Variants in SLC5A1 observed in about 807,000 individuals in gnomAD.
SLC5A1 encodes the protein solute carrier family 5 member 1, also known as sodium/glucose cotransporter 1.
In SLC5A1, 42 loss-of-function variants were observed where a neutral mutation model predicts 73.5. That is an observed-to-expected ratio of 0.57 (90% CI 0.45 to 0.74). SLC5A1 has a LOEUF of 0.74. SLC5A1 is among the 30% of genes least tolerant of loss of function. The pLI is 0.00. For synonymous variants in SLC5A1, 300 were observed against 317.4 expected (o/e 0.95, Z 0.58); for missense variants, 634 against 855.4 (o/e 0.74, Z 3.23).
Position 32,068,661 on chromosome 22 carries a change from AC to A in SLC5A1, c.477+62del. ...GAAGCTGCCACTCTCATTCCTCATC[AC>A]ATGCTGCCCACCAAGAGGCGGCTCT... On this transcript the variant is annotated intron_variant, in intron 5 of 14. Coordinates refer to ENST00000266088, the MANE Select transcript of SLC5A1 (RefSeq NM_000343.4). 3 of 1,139,876 alleles carry A rather than the reference AC, an allele frequency of 2.6e-6. No individual in the cohort carries two copies. In the Admixed American group the frequency reaches 5.1e-5, roughly 19 times the overall value. The allele number at this position is 1,139,876 out of a possible 1,614,324, so 70.6% of individuals were successfully genotyped here.
At chr22:32,053,716 G>A (rs1326188973) in intron 2 of SLC5A1, among the ~76,000 whole-genome samples, 1 of 152,164 alleles carries the variant, frequency 6.6e-6, no homozygotes, top group Non-Finnish European at 1.5e-5. Flanking sequence ...GTTGGTAGAA[G>A]TCGGAAGAGG....
At position 32,043,621 on chromosome 22, in the gene SLC5A1, C is replaced by T. The variant is rs1020355432; in HGVS notation, c.135+205C>T. 6.6e-6 allele frequency among the ~76,000 whole-genome samples: 1 copy of T among 152,094 alleles called. No individual in the cohort carries two copies. Among genetic ancestry groups the T allele is most frequent in the African/African-American group, 2.4e-5 (1 of 41,418 alleles). The stretch of plus-strand genomic sequence containing the variant: ...GCAGAAGTGAGAAGGGTGCCCAGGG[C>T]AGCCTGCCAGGAAGGACCAAGGAGG... On this transcript the variant is annotated intron_variant, in intron 1 of 14. Transcript: ENST00000266088. The surrounding 1 kb of genome is among the most constrained non-coding windows in gnomAD (Gnocchi z 6.5).
At chr22:32,064,605 C>T (rs751164442) in intron 2 of SLC5A1, among the ~76,000 whole-genome samples, 3 of 152,112 alleles carry the variant, frequency 2.0e-5, no homozygotes, top group South Asian at 2.1e-4. Flanking sequence ...TAATGAATGG[C>T]GTCCACCCAG....
intron 5 of SLC5A1, among the ~76,000 whole-genome samples, chr22:32,072,630 A>G (rs1225301523): frequency 6.6e-6 from 1 of 152,250 alleles, no homozygotes; most frequent in Non-Finnish European, 1.5e-5. Flanking sequence ...AACAAAATTT[A>G]CAGTAATTTC....
chr22:32,078,023 G>A (rs1294026780), intron 5 of SLC5A1, among the ~76,000 whole-genome samples: 1 of 152,138 alleles, frequency 6.6e-6, no homozygotes, highest in Non-Finnish European at 1.5e-5. Flanking sequence ...CTTTCACAAA[G>A]TTGCAATTAG....
intron 1 of SLC5A1, among the ~76,000 whole-genome samples, chr22:32,045,238 C>T (rs2093935651): frequency 1.3e-5 from 2 of 152,196 alleles, no homozygotes; most frequent in Non-Finnish European, 2.9e-5. Context: ...CTGATAATAT[C>T]GGTTCTCTTA....
At chr22:32,088,878 G>A (rs1251479653) in intron 10 of SLC5A1, among the ~76,000 whole-genome samples, 1 of 152,010 alleles carries the variant, frequency 6.6e-6, no homozygotes, top group African/African-American at 2.4e-5. Context: ...CAGCAAGTAG[G>A]TGATCCTCCC....
Position 32,068,106 on chromosome 22 carries a change from A to G in SLC5A1, c.372+80A>G, listed in dbSNP as rs2093977095. On this transcript the variant is annotated intron_variant, in intron 4 of 14. Transcript: ENST00000266088. ...GGTCTTCCTAGAGGGCAGAGGAGAC[A>G]TTATGGGATAAATGGCAGAAAAATC... is the stretch of plus-strand genomic sequence containing the variant. 3.7e-6 allele frequency: 5 copies of G among 1,369,838 alleles called. No homozygotes were observed. In the Admixed American group the frequency reaches 8.4e-5, roughly 23 times the overall value. The allele number at this position is 1,369,838 out of a possible 1,614,324, so 84.9% of individuals were successfully genotyped here. A position where few individuals can be genotyped will look rare whatever the true frequency, so the allele number is the denominator to read the frequency against.
intron 5 of SLC5A1, among the ~76,000 whole-genome samples, chr22:32,078,758 T>C (rs2093994858): frequency 6.6e-6 from 1 of 151,778 alleles, no homozygotes; most frequent in South Asian, 2.1e-4. Context: ...ATTGAGACCA[T>C]TCTGGCCAAC....
chr22:32,060,122 C>T (rs1214508525), intron 2 of SLC5A1, among the ~76,000 whole-genome samples: 2 of 101,896 alleles, frequency 2.0e-5, no homozygotes, highest in East Asian at 3.6e-4. Flanking sequence ...CATATATATA[C>T]ATACACACAT....
intron 14 of SLC5A1, among the ~76,000 whole-genome samples, chr22:32,105,319 G>A (rs1169755109): frequency 4.3e-5 from 6 of 140,894 alleles, no homozygotes; most frequent in Admixed American, 2.2e-4. Context: ...TTGAGACCGA[G>A]TTTCACTCTT....
chr22:32,077,688 A>T (rs1417455305), intron 5 of SLC5A1, among the ~76,000 whole-genome samples: 1 of 152,218 alleles, frequency 6.6e-6, no homozygotes, highest in African/African-American at 2.4e-5. Flanking sequence ...TATTTGTAGA[A>T]AAGAAATAAA....
Position 32,084,380 on chromosome 22 carries a change from A to C in SLC5A1, c.665-59A>C, listed in dbSNP as rs1305030019. The C allele has an allele frequency of 1.4e-4, 207 of 1,465,578 alleles. 3 individuals carry two copies. The highest frequency in any genetic ancestry group is 1.9e-5 in the Non-Finnish European group (20 of 1,049,574). The allele number at this position is 1,465,578 out of a possible 1,614,324, so 90.8% of individuals were successfully genotyped here. A position where few individuals can be genotyped will look rare whatever the true frequency, so the allele number is the denominator to read the frequency against. The stretch of plus-strand genomic sequence containing the variant: ...CAGTTTCTCAGGCATCTATGGAAAG[A>C]AGCTGCTATGACGAGTTGAAGGTTT... On this transcript the variant is annotated intron_variant, in intron 7 of 14. Coordinates refer to ENST00000266088, the MANE Select transcript of SLC5A1 (RefSeq NM_000343.4).
chr22:32,045,576 A>G (rs752724720), intron 1 of SLC5A1, among the ~76,000 whole-genome samples: 7 of 152,148 alleles, frequency 4.6e-5, no homozygotes, highest in African/African-American at 7.2e-5. Context: ...TGTTTCTTCA[A>G]CTTAGAAAAG....
intron 13 of SLC5A1, among the ~76,000 whole-genome samples, chr22:32,103,727 T>C (rs975582044): frequency 2.2e-4 from 33 of 151,972 alleles, no homozygotes; most frequent in African/African-American, 8.0e-4. Flanking sequence ...TGCCTCTTGA[T>C]TTTTTTTTCC....
rs763128374 is a variant in SLC5A1, at chr22:32,084,895, G to C, written c.886-5G>C. 1 of 1,613,924 alleles carries C rather than the reference G, an allele frequency of 6.2e-7. No individual in the cohort carries two copies. The highest frequency in any genetic ancestry group is 8.5e-7 in the Non-Finnish European group (1 of 1,180,030). Reference sequence around the variant, plus strand: ...ACACCTCCCTTACTGGGCTTTTTCTGGCAGGTCATTGTGCAGCGCTGCCTC... The same window carrying C: ...ACACCTCCCTTACTGGGCTTTTTCTCGCAGGTCATTGTGCAGCGCTGCCTC... On this transcript the variant is annotated splice_region_variant and splice_polypyrimidine_tract_variant and intron_variant, in intron 8 of 14. Transcript: ENST00000266088.
intron 11 of SLC5A1, among the ~76,000 whole-genome samples, chr22:32,096,999 T>C (rs2094027327): frequency 6.6e-6 from 1 of 152,246 alleles, no homozygotes; most frequent in African/African-American, 2.4e-5. Context: ...GTTACCTTGA[T>C]TGATTTTCCC....
chr22:32,104,150 G>C (rs1472978739), intron 13 of SLC5A1, among the ~76,000 whole-genome samples: 1 of 152,224 alleles, frequency 6.6e-6, no homozygotes, highest in Non-Finnish European at 1.5e-5. Context: ...TATGGCAGCA[G>C]AACTGAATCA....
At chr22:32,055,757 C>T (rs1253634777) in intron 2 of SLC5A1, among the ~76,000 whole-genome samples, 1 of 152,200 alleles carries the variant, frequency 6.6e-6, no homozygotes, top group South Asian at 2.1e-4. Context: ...ATAATACAAA[C>T]CTCACAGAAC....
Sources: gnomAD v4.1 joint callset for allele counts (sites outside exome capture counted in the v4.1 genomes callset) on GRCh38, gnomAD v4.1.1 for gene constraint, Gnocchi (gnomAD v3.1) non-coding constraint, MANE v1.5 for transcripts, NCBI Gene and HGNC (gene_info 2026-07-23, HGNC 2026-07-21) for gene names.